MDGA2: variants seen among roughly 807,000 people sequenced by gnomAD.
The protein encoded by MDGA2 is MAM domain containing glycosylphosphatidylinositol anchor 2.
In MDGA2, 40 loss-of-function variants were observed where a neutral mutation model predicts 117.8. The observed-to-expected ratio is 0.34, with a 90% CI of 0.26 to 0.44. The LOEUF is 0.44. Among genes scored for constraint, MDGA2 ranks in the 20% least tolerant of loss-of-function variants. MDGA2 has a pLI of 1.00. For missense variants in MDGA2, 1,123 were observed against 1,250.6 expected (o/e 0.90, Z 1.54); for synonymous variants, 452 against 439.0 (o/e 1.03, Z -0.37).
At position 47,561,163 on chromosome 14, in the gene MDGA2, G is replaced by GT. The variant is rs1309865250; in HGVS notation, c.280+113353dup. On this transcript the variant is annotated intron_variant, in intron 1 of 16. Transcript: ENST00000399232. ...TTTGTTTTTTTTTTTGTTTTGTTTTGTTTTTTTGTTTGTTTGTTTTTTTTT... is the reference window on the plus strand; with the variant it reads ...TTTGTTTTTTTTTTTGTTTTGTTTTGTTTTTTTTGTTTGTTTGTTTTTTTTT... Among the ~76,000 whole-genome samples the GT allele has an allele frequency of 1.8e-4, 15 of 83,878 alleles. 2 individuals are homozygous for GT. In the South Asian group the frequency reaches 3.2e-3, roughly 18 times the overall value. The allele number at this position is 83,878 out of a possible 152,430, so 55.0% of individuals were successfully genotyped here. A position where few individuals can be genotyped will look rare whatever the true frequency, so the allele number is the denominator to read the frequency against.
In MDGA2 at chr14:47,531,177, A is replaced by G. The variant is rs1296982840; in HGVS notation, c.280+143340T>C. On this transcript the variant is annotated intron_variant, in intron 1 of 16. Coordinates refer to ENST00000399232, the MANE Select transcript of MDGA2 (RefSeq NM_001113498.3). ...GGAGAATGGCGTGAACCCAGGAGGC[A>G]GAGCTTGCAGTGAGCCAAGATCATG... Among the ~76,000 whole-genome samples the G allele has an allele frequency of 2.6e-5, 4 of 152,140 alleles. No individual in the cohort carries two copies. The East Asian group carries it at 7.7e-4, about 29-fold the overall frequency.
At chr14:47,110,582 TG>T (rs1880984812) in intron 5 of MDGA2, among the ~76,000 whole-genome samples, 1 of 152,214 alleles carries the variant, frequency 6.6e-6, no homozygotes, top group Non-Finnish European at 1.5e-5. Context: ...TGTAATATTT[TG>T]AACACCTTTA....
chr14:47,439,831 G>GTGTGTA (rs943517101), intron 1 of MDGA2, among the ~76,000 whole-genome samples: 3 of 151,530 alleles, frequency 2.0e-5, no homozygotes, highest in African/African-American at 7.3e-5. Flanking sequence ...GTGTGTGTGT[G>GTGTGTA]TGTGTGTATG....
chr14:46,841,848 T>C lies in MDGA2; in HGVS notation c.*83A>G. On this transcript the variant is annotated 3_prime_UTR_variant, in exon 17 of 17. Coordinates refer to ENST00000399232, the MANE Select transcript of MDGA2 (RefSeq NM_001113498.3). ...AGTCAGTGGAGGAATCTTTGGTAGT[T>C]TGTTTGTTCAATGTCCATTTACAAA... 2.1e-6 allele frequency: 2 copies of C among 938,642 alleles called. No individual in the cohort carries two copies. The highest frequency in any genetic ancestry group is 3.3e-6 in the Non-Finnish European group (2 of 614,402). The allele number at this position is 938,642 out of a possible 1,614,324, so 58.1% of individuals were successfully genotyped here.
At chr14:47,672,057 G>A (rs1898084885) in intron 1 of MDGA2, among the ~76,000 whole-genome samples, 1 of 152,166 alleles carries the variant, frequency 6.6e-6, no homozygotes, top group Non-Finnish European at 1.5e-5. Context: ...GAAAGTCTCA[G>A]AGGGGCCCAA....
intron 8 of MDGA2, among the ~76,000 whole-genome samples, chr14:46,977,629 G>A (rs117229096): frequency 2.1e-3 from 323 of 152,028 alleles, no homozygotes; most frequent in Non-Finnish European, 3.5e-3. Context: ...TATGCTGATA[G>A]TTCTAATTAA....
intron 2 of MDGA2, among the ~76,000 whole-genome samples, chr14:47,267,535 A>T (rs181678176): frequency 1.3e-5 from 2 of 152,174 alleles, no homozygotes; most frequent in East Asian, 1.9e-4. Context: ...TCAGGTCACG[A>T]ATGGCAAATA....
At chr14:47,283,959 C>T (rs772617236) in intron 2 of MDGA2, among the ~76,000 whole-genome samples, 1 of 152,112 alleles carries the variant, frequency 6.6e-6, no homozygotes, top group Non-Finnish European at 1.5e-5. Flanking sequence ...AGTGTATAAA[C>T]GTGTGAAGAC....
At chr14:47,463,234 G>GA (rs1352958024) in intron 1 of MDGA2, among the ~76,000 whole-genome samples, 2 of 152,058 alleles carry the variant, frequency 1.3e-5, no homozygotes, top group East Asian at 1.9e-4. Flanking sequence ...CCATTCCACT[G>GA]AAAAAATTCC....
intron 2 of MDGA2, among the ~76,000 whole-genome samples, chr14:47,247,028 T>C (rs1376844062): frequency 6.6e-6 from 1 of 151,846 alleles, no homozygotes; most frequent in East Asian, 1.9e-4. Context: ...TTTTCTGTGT[T>C]GGTGTGTTTT....
At chr14:46,965,005 G>C (rs113584808) in intron 8 of MDGA2, among the ~76,000 whole-genome samples, 5,951 of 114,996 alleles carry the variant, frequency 0.052, 1,213 homozygotes, top group African/African-American at 0.25. Flanking sequence ...CTCACTGCAA[G>C]CTCCGCCTCC....
chr14:46,915,206 A>T (rs1345826429), intron 10 of MDGA2, among the ~76,000 whole-genome samples: 4 of 152,174 alleles, frequency 2.6e-5, no homozygotes, highest in Non-Finnish European at 4.4e-5. Flanking sequence ...CTTTATCCAA[A>T]GGTGATTTTT....
intron 5 of MDGA2, among the ~76,000 whole-genome samples, chr14:47,104,544 A>G (rs1880532784): frequency 6.8e-6 from 1 of 147,330 alleles, no homozygotes; most frequent in Non-Finnish European, 1.5e-5. Context: ...CCCAAATCCT[A>G]TAAAACGGCC....
At chr14:47,497,121 G>A (rs1894297931) in intron 1 of MDGA2, among the ~76,000 whole-genome samples, 1 of 152,148 alleles carries the variant, frequency 6.6e-6, no homozygotes, top group South Asian at 2.1e-4. Flanking sequence ...CTGTGACCCT[G>A]CGGGTTGGAG....
intron 1 of MDGA2, among the ~76,000 whole-genome samples, chr14:47,357,172 T>C (rs766845859): frequency 2.0e-5 from 3 of 152,162 alleles, no homozygotes; most frequent in Non-Finnish European, 2.9e-5. Context: ...CCTAGGACAG[T>C]GCACTGAGAG....
intron 10 of MDGA2, among the ~76,000 whole-genome samples, chr14:46,917,414 C>T (rs1284137697): frequency 3.9e-5 from 6 of 152,092 alleles, no homozygotes; most frequent in Non-Finnish European, 8.8e-5. Flanking sequence ...GGACATAATC[C>T]ACTTCATATT....
intron 1 of MDGA2, among the ~76,000 whole-genome samples, chr14:47,654,595 G>T (rs1025647370): frequency 6.6e-6 from 1 of 151,968 alleles, no homozygotes; most frequent in African/African-American, 2.4e-5. Flanking sequence ...GAAGATGCTG[G>T]GTCACCAGAG....
rs1891165628 is a variant in MDGA2 at position 47,363,349 on chromosome 14, C to T, written c.281-61799G>A. Among the ~76,000 whole-genome samples, 2 of 152,074 alleles carry T rather than the reference C, an allele frequency of 1.3e-5. 1 individual carries two copies. The highest frequency in any genetic ancestry group is 4.1e-4 in the South Asian group (2 of 4,830). On this transcript the variant is annotated intron_variant, in intron 1 of 16. Coordinates refer to ENST00000399232, the MANE Select transcript of MDGA2 (RefSeq NM_001113498.3). Reference sequence around the variant, plus strand: ...CTCAGCTCACTGCAACCTCTGCCTCCCGGGTTCAAGCAATTCTCCTGCCTG... The same window carrying T: ...CTCAGCTCACTGCAACCTCTGCCTCTCGGGTTCAAGCAATTCTCCTGCCTG...
intron 8 of MDGA2, among the ~76,000 whole-genome samples, chr14:46,991,635 A>G (rs1887097600): frequency 6.6e-6 from 1 of 152,144 alleles, no homozygotes; most frequent in Admixed American, 6.6e-5. Context: ...TTACAACAAT[A>G]GTTAATCAGT....
Sources: gnomAD v4.1 joint callset for allele counts (sites outside exome capture counted in the v4.1 genomes callset) on GRCh38, gnomAD v4.1.1 for gene constraint, MANE v1.5 for transcripts, NCBI Gene and HGNC (gene_info 2026-07-23, HGNC 2026-07-21) for gene names.